RERE: variants seen among roughly 807,000 people sequenced by gnomAD.
RERE encodes arginine-glutamic acid dipeptide repeats protein.
Under a neutral mutation model 146.1 loss-of-function variants are expected in RERE, and 40 were observed. The ratio of observed to expected loss-of-function variants is 0.27; its 90% CI spans 0.21 to 0.36. The LOEUF is 0.36. RERE is among the 10% of genes least tolerant of loss of function. RERE has a pLI of 1.00. For missense variants in RERE, 1,933 were observed against 2,138.7 expected (o/e 0.90, Z 1.90); for synonymous variants, 1,003 against 866.0 (o/e 1.16, Z -2.78).
intron 2 of RERE, among the ~76,000 whole-genome samples, chr1:8,638,373 T>C (rs1647128152): frequency 6.6e-6 from 1 of 152,208 alleles, no homozygotes; most frequent in African/African-American, 2.4e-5. Context: ...GCTTCATAAA[T>C]GAAGTGAATG....
intron 1 of RERE, among the ~76,000 whole-genome samples, chr1:8,790,515 C>T (rs1245380796): frequency 2.6e-5 from 4 of 152,148 alleles, no homozygotes; most frequent in East Asian, 1.9e-4. Context: ...TTATAAGATG[C>T]TAATGAATTA....
intron 12 of RERE, among the ~76,000 whole-genome samples, chr1:8,366,925 A>AAAC (rs1266393872): frequency 7.4e-5 from 11 of 149,628 alleles, no homozygotes; most frequent in African/African-American, 1.7e-4. Context: ...ACAAAAAAAA[A>AAAC]AAACAAAAAA....
intron 4 of RERE, among the ~76,000 whole-genome samples, chr1:8,580,189 C>T (rs1646346698): frequency 6.6e-6 from 1 of 152,110 alleles, no homozygotes; most frequent in African/African-American, 2.4e-5. Flanking sequence ...CTCCTAGTAG[C>T]GGATAAAGTA....
chr1:8,493,606 G>A (rs1199404765), intron 10 of RERE, among the ~76,000 whole-genome samples: 4 of 151,868 alleles, frequency 2.6e-5, no homozygotes, highest in Non-Finnish European at 5.9e-5. Context: ...GGAACTTTTG[G>A]GACTGTCAGT....
chr1:8,772,851 G>A (rs1239401736), intron 1 of RERE, among the ~76,000 whole-genome samples: 1 of 151,994 alleles, frequency 6.6e-6, no homozygotes, highest in South Asian at 2.1e-4. Context: ...CACTTTGGAA[G>A]GCTGAGGCAG....
At chr1:8,793,525 C>A (rs1156893594) in intron 1 of RERE, among the ~76,000 whole-genome samples, 1 of 152,176 alleles carries the variant, frequency 6.6e-6, no homozygotes, top group Non-Finnish European at 1.5e-5. Flanking sequence ...AGGAATTTGT[C>A]AGCACCTGTA....
At chr1:8,422,235 G>A (rs1202076474) in intron 12 of RERE, among the ~76,000 whole-genome samples, 2 of 152,098 alleles carry the variant, frequency 1.3e-5, no homozygotes, top group African/African-American at 2.4e-5. Context: ...AACTCTCAGG[G>A]ATAGAATATT....
intron 1 of RERE, among the ~76,000 whole-genome samples, chr1:8,726,399 C>T (rs1018482862): frequency 2.0e-5 from 3 of 152,054 alleles, no homozygotes; most frequent in South Asian, 2.1e-4. Flanking sequence ...GTGATCCACC[C>T]GCCTCGGCCT....
At chr1:8,488,880 A>G (rs909066100) in intron 10 of RERE, among the ~76,000 whole-genome samples, 1 of 152,250 alleles carries the variant, frequency 6.6e-6, no homozygotes, top group Non-Finnish European at 1.5e-5. Context: ...CTCCATAATT[A>G]ACGCATCACA....
intron 4 of RERE, among the ~76,000 whole-genome samples, chr1:8,585,614 A>G (rs1646418696): frequency 6.6e-6 from 1 of 152,206 alleles, no homozygotes; most frequent in South Asian, 2.1e-4. Flanking sequence ...TGTCAGAAGG[A>G]CTCAGGAGCC....
rs562967845 is a variant in RERE at position 8,807,873 on chromosome 1, T to C, written c.-145+9287A>G. ...GACTAGTCCTGGAGCTTAAGTAATA[T>C]GATGTCACCCTGTTTACTACACAAA... On this transcript the variant is annotated intron_variant, in intron 1 of 22. Transcript: ENST00000400908. 1.1e-4 allele frequency among the ~76,000 whole-genome samples: 16 copies of C among 152,264 alleles called. No individual in the cohort carries two copies. In the South Asian group the frequency reaches 1.9e-3, roughly 18 times the overall value.
chr1:8,518,522 T>C (rs1302859638), intron 7 of RERE, among the ~76,000 whole-genome samples: 1 of 152,234 alleles, frequency 6.6e-6, no homozygotes, highest in Non-Finnish European at 1.5e-5. Flanking sequence ...AAACGCTACT[T>C]AGTACACATT....
chr1:8,388,677 A>G lies in RERE; in HGVS notation c.1285-22703T>C, dbSNP rs575860007. Reference sequence around the variant, plus strand: ...CAGTTCACCGTGTGGCTGTTTTTATACCATACACAAATGCTATATTCTTTT... The same window carrying G: ...CAGTTCACCGTGTGGCTGTTTTTATGCCATACACAAATGCTATATTCTTTT... On this transcript the variant is annotated intron_variant, in intron 12 of 22. Transcript: ENST00000400908. Among the ~76,000 whole-genome samples the G allele has an allele frequency of 3.9e-5, 6 of 152,318 alleles. No individual in the cohort carries two copies. In the East Asian group the frequency reaches 7.7e-4, roughly 20 times the overall value.
intron 1 of RERE, among the ~76,000 whole-genome samples, chr1:8,742,904 T>C (rs932780966): frequency 6.6e-6 from 1 of 152,024 alleles, no homozygotes. Flanking sequence ...CTTGAAGATT[T>C]AAGCTTTTTT....
At chr1:8,487,019 T>C (rs904162980) in intron 10 of RERE, among the ~76,000 whole-genome samples, 1 of 152,156 alleles carries the variant, frequency 6.6e-6, no homozygotes, top group Non-Finnish European at 1.5e-5. Flanking sequence ...GTATCTCTCA[T>C]GATCACAAAT....
At chr1:8,733,770 C>T (rs577644836) in intron 1 of RERE, among the ~76,000 whole-genome samples, 67 of 152,324 alleles carry the variant, frequency 4.4e-4, no homozygotes, top group Middle Eastern at 6.8e-3. Flanking sequence ...TTTTAAGCAG[C>T]AGTTTGGAGG....
chr1:8,524,064 G>A (rs1158852929), intron 7 of RERE, among the ~76,000 whole-genome samples: 1 of 152,150 alleles, frequency 6.6e-6, no homozygotes, highest in Non-Finnish European at 1.5e-5. Flanking sequence ...CTCGTCTATT[G>A]AAGGGATACT....
In RERE at chr1:8,356,355, T is replaced by A. The variant is rs1433919926; in HGVS notation, c.4340-109A>T. On this transcript the variant is annotated intron_variant, in intron 20 of 22. Coordinates refer to ENST00000400908, the MANE Select transcript of RERE (RefSeq NM_001042681.2). The surrounding 1 kb of genome is among the most constrained non-coding windows in gnomAD (Gnocchi z 5.2). The stretch of plus-strand genomic sequence containing the variant: ...CCTCCTCACCCAGGATGGCTCCTGG[T>A]CACCAGGGCTGGATGCACCACCTGG... 7.9e-7 allele frequency: 1 copy of A among 1,262,364 alleles called. No individual in the cohort carries two copies. Among genetic ancestry groups the A allele is most frequent in the African/African-American group, 1.6e-5 (1 of 63,098 alleles). The allele number at this position is 1,262,364 out of a possible 1,614,324, so 78.2% of individuals were successfully genotyped here. A position where few individuals can be genotyped will look rare whatever the true frequency, so the allele number is the denominator to read the frequency against.
chr1:8,711,338 A>G (rs1440173749), intron 1 of RERE, among the ~76,000 whole-genome samples: 1 of 152,158 alleles, frequency 6.6e-6, no homozygotes, highest in African/African-American at 2.4e-5. Flanking sequence ...TTAGTCATCA[A>G]TCGAAGGTCA....
Sources: allele counts gnomAD v4.1 joint callset (sites outside exome capture counted in the v4.1 genomes callset), GRCh38; gene constraint gnomAD v4.1.1; non-coding constraint Gnocchi (gnomAD v3.1); transcripts MANE v1.5; gene names NCBI Gene and HGNC (gene_info 2026-07-23, HGNC 2026-07-21).